The following ABL1 variants were observed in gnomAD, a reference collection of about 807,000 sequenced individuals.
ABL1 encodes tyrosine-protein kinase ABL1.
In ABL1, 11 loss-of-function variants were observed where a neutral mutation model predicts 94.7. The observed-to-expected ratio is 0.12, with a 90% confidence interval of 0.07 to 0.19. The LOEUF is 0.19. ABL1 is among the 10% of genes least tolerant of loss of function. ABL1 has a pLI of 1.00. For missense variants in ABL1, 1,082 were observed against 1,489.4 expected, an observed-to-expected ratio of 0.73 and a Z score of 4.50; for synonymous variants, 656 against 622.4, an observed-to-expected ratio of 1.05 and a Z score of -0.80.
rs558752573 is a variant in ABL1 at position 130,863,249 on chromosome 9, C to T, written c.822+214C>T. Among the ~76,000 whole-genome samples the T allele has an allele frequency of 6.6e-6, 1 of 152,230 alleles. No individual in the cohort carries two copies. The highest frequency in any genetic ancestry group is 2.1e-4 in the South Asian group (1 of 4,822). On this transcript the variant is annotated intron_variant, in intron 4 of 10. Coordinates refer to ENST00000318560, the MANE Select transcript of ABL1 (RefSeq NM_005157.6). This position sits in a 1 kb window ranked among gnomAD's most constrained non-coding sequence, Gnocchi z 4.3. ...AGTGTGTTTCCACATATGGTGAGAG[C>T]TGACAAGCATGGAGGGGTTTTGGTG...
upstream of ABL1, among the ~76,000 whole-genome samples, chr9:130,831,558 T>G (rs777182675): frequency 8.5e-5 from 13 of 152,192 alleles, no homozygotes; most frequent in Non-Finnish European, 4.4e-5. Context: ...GTTCGTCCTA[T>G]TCCCAGTGAA....
intron 7 of ABL1, among the ~76,000 whole-genome samples, chr9:130,875,536 C>T (rs11792775): frequency 1.3e-5 from 2 of 152,016 alleles, no homozygotes; most frequent in African/African-American, 4.8e-5. Flanking sequence ...CCTCTATAAG[C>T]CCCCTCTCCA....
intron 4 of ABL1, among the ~76,000 whole-genome samples, chr9:130,870,995 A>T (rs1159500937): frequency 6.6e-6 from 1 of 152,176 alleles, no homozygotes; most frequent in African/African-American, 2.4e-5. Flanking sequence ...TGTCTCCCAA[A>T]CGGGCCGGAA....
intron 1 of ABL1, among the ~76,000 whole-genome samples, chr9:130,767,755 A>G (rs1331155661): frequency 6.6e-6 from 1 of 152,266 alleles, no homozygotes; most frequent in South Asian, 2.1e-4. Flanking sequence ...GCACGTGTGC[A>G]TGTGTGTGCA....
chr9:130,714,192 T>G lies in ABL1; in HGVS notation c.-128T>G, dbSNP rs35434141. ...TGGAAGATGTCTTTCTGTGATTGAC[T>G]TCAATTGCTGACTTGTGGAGATGCA... On this transcript the variant is annotated 5_prime_UTR_variant, in exon 1 of 11. Coordinates refer to the ABL1 transcript ENST00000372348. The G allele has an allele frequency of 2.3e-4, 213 of 935,916 alleles. No individual in the cohort carries two copies. In the African/African-American group the frequency reaches 3.5e-3, roughly 15 times the overall value. The allele number at this position is 935,916 out of a possible 1,614,324, so 58.0% of individuals were successfully genotyped here. A position where few individuals can be genotyped will look rare whatever the true frequency, so the allele number is the denominator to read the frequency against.
chr9:130,852,595 G>A (rs1281180090), intron 1 of ABL1, among the ~76,000 whole-genome samples: 3 of 152,066 alleles, frequency 2.0e-5, no homozygotes, highest in Non-Finnish European at 4.4e-5. Context: ...ATCTACTTGA[G>A]GTTATTTGAT....
In ABL1 at chr9:130,835,400, C is replaced by T. The variant is rs566960197; in HGVS notation, c.-47C>T. Reference sequence around the variant, plus strand: ...GCCGGGCCTGAGCCGGGCCCGCGGACCGAGCTGGGAGAGGGGTTCCGGCCC... The same window carrying T: ...GCCGGGCCTGAGCCGGGCCCGCGGATCGAGCTGGGAGAGGGGTTCCGGCCC... On this transcript the variant is annotated 5_prime_UTR_variant, in exon 1 of 11. Coordinates refer to ENST00000318560, the MANE Select transcript of ABL1 (RefSeq NM_005157.6). This position sits in a 1 kb window ranked among gnomAD's most constrained non-coding sequence, Gnocchi z 4.6. The T allele has an allele frequency of 3.7e-5, 52 of 1,391,660 alleles. No individual in the cohort carries two copies. The African/African-American group carries it at 7.5e-4, about 20-fold the overall frequency. 86.2% of individuals were successfully genotyped at this position (1,391,660 alleles called of 1,614,324 possible).
At chr9:130,766,986 G>A (rs138241489) in intron 1 of ABL1, among the ~76,000 whole-genome samples, 4 of 152,122 alleles carry the variant, frequency 2.6e-5, no homozygotes, top group African/African-American at 4.8e-5. Context: ...TTTCCCTCTC[G>A]AATTTCCCTC....
At chr9:130,849,776 C>T (rs745606569) in intron 1 of ABL1, among the ~76,000 whole-genome samples, 4 of 152,190 alleles carry the variant, frequency 2.6e-5, no homozygotes, top group African/African-American at 4.8e-5. Context: ...CTTGGCCTCC[C>T]GAAGTGGTGG....
intron 1 of ABL1, among the ~76,000 whole-genome samples, chr9:130,749,215 G>A (rs1831924700): frequency 6.6e-6 from 1 of 152,168 alleles, no homozygotes; most frequent in African/African-American, 2.4e-5. Context: ...TTGAGTTCTT[G>A]TAGTTATGAG....
At chr9:130,787,338 T>C (rs1432240565) in intron 1 of ABL1, among the ~76,000 whole-genome samples, 1 of 152,134 alleles carries the variant, frequency 6.6e-6, no homozygotes, top group African/African-American at 2.4e-5. Flanking sequence ...ACCTGGACTC[T>C]GCCTTCTGTG....
At chr9:130,781,302 T>C (rs982955379) in intron 1 of ABL1, among the ~76,000 whole-genome samples, 1 of 152,296 alleles carries the variant, frequency 6.6e-6, no homozygotes, top group East Asian at 1.9e-4. Flanking sequence ...AGTAGGGTGA[T>C]TGGTTTGGGA....
upstream of ABL1, among the ~76,000 whole-genome samples, chr9:130,831,604 TTC>T (rs897278016): frequency 5.9e-5 from 9 of 152,120 alleles, no homozygotes; most frequent in African/African-American, 2.2e-4. Context: ...AACAGTGGAT[TTC>T]TTTTCTTTTT....
chr9:130,716,946 T>C (rs947264617), intron 1 of ABL1, among the ~76,000 whole-genome samples: 1 of 151,896 alleles, frequency 6.6e-6, no homozygotes, highest in African/African-American at 2.4e-5. Flanking sequence ...CTCTGTGATA[T>C]AGAGATTGGT....
At chr9:130,870,016 G>T (rs946266216) in intron 4 of ABL1, among the ~76,000 whole-genome samples, 1 of 152,158 alleles carries the variant, frequency 6.6e-6, no homozygotes, top group Non-Finnish European at 1.5e-5. Context: ...GTAGAGATGG[G>T]GTTTCACCAT....
chr9:130,737,434 AT>A (rs1379725973), intron 1 of ABL1, among the ~76,000 whole-genome samples: 25 of 151,546 alleles, frequency 1.6e-4, no homozygotes, highest in African/African-American at 6.1e-4. Context: ...CACCCAGCTA[AT>A]TTTTGTATCT....
chr9:130,817,210 T>G (rs868528138), intron 1 of ABL1, among the ~76,000 whole-genome samples: 25 of 152,392 alleles, frequency 1.6e-4, no homozygotes, highest in Middle Eastern at 3.4e-3. Flanking sequence ...TAATTAGGAA[T>G]AAATAGTAAC....
chr9:130,881,910 C>T (rs1831462651), intron 10 of ABL1, among the ~76,000 whole-genome samples: 1 of 151,942 alleles, frequency 6.6e-6, no homozygotes, highest in African/African-American at 2.4e-5. Flanking sequence ...GAACATGCAG[C>T]CCATATATAT....
intron 1 of ABL1, among the ~76,000 whole-genome samples, chr9:130,852,460 C>T (rs1225968512): frequency 6.6e-6 from 1 of 152,204 alleles, no homozygotes; most frequent in African/African-American, 2.4e-5. Context: ...CTGCCTGCCT[C>T]AGCCTCCCAA....
Sources: gnomAD v4.1 joint callset for allele counts (sites outside exome capture counted in the v4.1 genomes callset) on GRCh38, gnomAD v4.1.1 for gene constraint, Gnocchi (gnomAD v3.1) non-coding constraint, MANE v1.5 for transcripts, NCBI Gene and HGNC (gene_info 2026-07-23, HGNC 2026-07-21) for gene names.